The following FUT8 variants were observed in gnomAD, a reference collection of about 807,000 sequenced individuals.
FUT8 encodes fucosyltransferase 8.
In FUT8, 29 loss-of-function variants were observed where a neutral mutation model predicts 71.3. That is an observed-to-expected ratio of 0.41 (90% confidence interval 0.30 to 0.55). The LOEUF is 0.55. FUT8 is among the 20% of genes least tolerant of loss of function. FUT8 has a pLI of 0.34. For synonymous variants in FUT8, 254 were observed against 239.3 expected (o/e 1.06, Z -0.57); for missense variants, 544 against 702.1 (o/e 0.77, Z 2.55).
chr14:65,692,868 G>GCC (rs1893752922), intron 7 of FUT8, among the ~76,000 whole-genome samples: 2 of 151,534 alleles, frequency 1.3e-5, no homozygotes, highest in Admixed American at 1.3e-4. Flanking sequence ...CATCCCAGAC[G>GCC]GGGTGGCGGG....
Position 65,417,072 on chromosome 14 carries a change from C to G in FUT8, c.-326+3858C>G, listed in dbSNP as rs1049520264. Among the ~76,000 whole-genome samples, 5 of 151,886 alleles carry G rather than the reference C, an allele frequency of 3.3e-5. No homozygotes were observed. In the East Asian group the frequency reaches 9.6e-4, roughly 29 times the overall value. ...AAATGCTGGGATTACAGGCGTGAGT[C>G]ACTGTACCCGGCTCCTTTATTTTAT... On this transcript the variant is annotated intron_variant, in intron 1 of 10. Coordinates refer to ENST00000673929, the MANE Select transcript of FUT8 (RefSeq NM_001371533.1).
chr14:65,668,282 G>T (rs1250466392), intron 6 of FUT8, among the ~76,000 whole-genome samples: 1 of 152,046 alleles, frequency 6.6e-6, no homozygotes, highest in Non-Finnish European at 1.5e-5. Flanking sequence ...TAAACAGACA[G>T]CCAACAGAAT....
intron 2 of FUT8, among the ~76,000 whole-genome samples, chr14:65,496,610 A>G (rs774516505): frequency 3.3e-5 from 5 of 152,116 alleles, no homozygotes; most frequent in Non-Finnish European, 5.9e-5. Flanking sequence ...GCCTGCCGCC[A>G]TGTAAGACAT....
At chr14:65,728,464 T>C (rs926301385) in intron 9 of FUT8, among the ~76,000 whole-genome samples, 3 of 152,166 alleles carry the variant, frequency 2.0e-5, no homozygotes, top group East Asian at 3.8e-4. Context: ...ATGAGACTTA[T>C]TCACTATCAT....
upstream of FUT8, chr14:65,411,980 C>T (rs928111241): frequency 1.3e-5 from 6 of 455,520 alleles, no homozygotes; most frequent in African/African-American, 4.0e-5. Context: ...CGGGAATTTT[C>T]CGAGTCCGAG....
At chr14:65,552,482 A>G (rs1885344168) in intron 2 of FUT8, among the ~76,000 whole-genome samples, 1 of 152,208 alleles carries the variant, frequency 6.6e-6, no homozygotes, top group Non-Finnish European at 1.5e-5. Flanking sequence ...AAATGTTGAT[A>G]AGAACCATGC....
intron 2 of FUT8, among the ~76,000 whole-genome samples, chr14:65,544,317 A>G (rs1884860412): frequency 6.6e-6 from 1 of 152,120 alleles, no homozygotes; most frequent in African/African-American, 2.4e-5. Flanking sequence ...AATCTTCACA[A>G]TTATGTGAGT....
intron 10 of FUT8, among the ~76,000 whole-genome samples, chr14:65,734,392 G>A (rs946944768): frequency 3.9e-5 from 6 of 152,232 alleles, no homozygotes; most frequent in Non-Finnish European, 8.8e-5. Context: ...ATGGGATGGC[G>A]ATATGATTTT....
Position 65,561,376 on chromosome 14 carries a change from A to G in FUT8, c.-188A>G. On this transcript the variant is annotated 5_prime_UTR_variant, in exon 3 of 11. Transcript: ENST00000673929. ...GAAGTACAGGACAATAAAGCTTCCT[A>G]CACATATCACCAGGAGGATCTCTTT... 3.3e-6 allele frequency: 2 copies of G among 606,294 alleles called. No individual in the cohort carries two copies. Among genetic ancestry groups the G allele is most frequent in the Non-Finnish European group, 5.9e-6 (2 of 340,436 alleles). The allele number at this position is 606,294 out of a possible 1,614,324, so 37.6% of individuals were successfully genotyped here.
intron 9 of FUT8, among the ~76,000 whole-genome samples, chr14:65,726,560 A>AG (rs1895696438): frequency 6.6e-6 from 1 of 152,220 alleles, no homozygotes; most frequent in African/African-American, 2.4e-5. Flanking sequence ...CGAGAACACC[A>AG]GGGGAAAGAT....
chr14:65,479,201 T>A (rs1378592195), intron 2 of FUT8, among the ~76,000 whole-genome samples: 1 of 152,226 alleles, frequency 6.6e-6, no homozygotes, highest in Non-Finnish European at 1.5e-5. Context: ...TACAGATGTC[T>A]ATGGCATATA....
intron 2 of FUT8, among the ~76,000 whole-genome samples, chr14:65,465,467 C>T (rs539357218): frequency 6.9e-4 from 105 of 152,136 alleles, no homozygotes; most frequent in Non-Finnish European, 1.2e-3. Context: ...CCACTGTGCC[C>T]GGCCATAAAT....
chr14:65,378,620 C>G, the FUT8 span, among the ~76,000 whole-genome samples: 11 of 152,022 alleles, frequency 7.2e-5, no homozygotes, highest in Non-Finnish European at 2.9e-5. Context: ...AGACAGAAAG[C>G]CCTGTCTGTT....
intron 5 of FUT8, among the ~76,000 whole-genome samples, chr14:65,622,012 C>T (rs1296610308): frequency 2.0e-5 from 3 of 152,084 alleles, no homozygotes; most frequent in Admixed American, 6.5e-5. Context: ...TTAGTAGAGA[C>T]GGGATTTCAC....
upstream of FUT8, among the ~76,000 whole-genome samples, chr14:65,406,803 G>T (rs2065090501): frequency 6.6e-6 from 1 of 152,214 alleles, no homozygotes; most frequent in African/African-American, 2.4e-5. Flanking sequence ...CTCCCAAAGT[G>T]CTGGGATTAT....
chr14:65,509,277 G>C (rs547514044), intron 2 of FUT8, among the ~76,000 whole-genome samples: 1 of 151,968 alleles, frequency 6.6e-6, no homozygotes, highest in African/African-American at 2.4e-5. Context: ...CTATTGTTCT[G>C]TGTGCCTGTT....
chr14:65,520,714 A>G (rs995601580), intron 2 of FUT8, among the ~76,000 whole-genome samples: 3 of 152,086 alleles, frequency 2.0e-5, no homozygotes, highest in African/African-American at 7.2e-5. Context: ...GGTTCTGTTT[A>G]GTAACATTTT....
intron 1 of FUT8, among the ~76,000 whole-genome samples, chr14:65,435,805 T>A (rs919188307): frequency 3.4e-4 from 52 of 152,096 alleles, no homozygotes; most frequent in Admixed American, 3.2e-3. Flanking sequence ...TTTTTTTTTT[T>A]TTTAATTTTA....
intron 6 of FUT8, among the ~76,000 whole-genome samples, chr14:65,644,789 T>G (rs570982465): frequency 6.6e-6 from 1 of 152,330 alleles, no homozygotes; most frequent in East Asian, 1.9e-4. Context: ...TTATGTGTGT[T>G]TCTATTTCAA....
Sources: gnomAD v4.1 joint callset for allele counts (sites outside exome capture counted in the v4.1 genomes callset) on GRCh38, gnomAD v4.1.1 for gene constraint, MANE v1.5 for transcripts, NCBI Gene and HGNC (gene_info 2026-07-23, HGNC 2026-07-21) for gene names.